PPP1R12B: variants seen among roughly 807,000 people sequenced by gnomAD.
PPP1R12B encodes the protein myosin phosphatase target subunit 2.
Under a neutral mutation model 126.1 loss-of-function variants are expected in PPP1R12B, and 76 were observed. The observed-to-expected ratio is 0.60, with a 90% confidence interval of 0.50 to 0.73. PPP1R12B has a LOEUF of 0.73. Ranked by LOEUF, PPP1R12B falls within the 30% of genes least tolerant of loss-of-function variation. PPP1R12B has a pLI of 0.00. For missense variants in PPP1R12B, 1,052 were observed against 1,205.1 expected (o/e 0.87, Z 1.88); for synonymous variants, 356 against 434.7 (o/e 0.82, Z 2.25).
At chr1:202,421,301 C>CTT (rs764287116) in intron 2 of PPP1R12B, among the ~76,000 whole-genome samples, 4 of 136,766 alleles carry the variant, frequency 2.9e-5, no homozygotes, top group African/African-American at 5.4e-5. Context: ...TTATCTCTCT[C>CTT]TTTTTTTTTT....
At chr1:202,352,802 C>T (rs574540838) in intron 1 of PPP1R12B, among the ~76,000 whole-genome samples, 16 of 152,022 alleles carry the variant, frequency 1.1e-4, no homozygotes, top group Non-Finnish European at 1.8e-4. Flanking sequence ...GCAGGAGAAT[C>T]GCTTGAACCC....
At chr1:202,480,076 A>G (rs1241987175) in intron 13 of PPP1R12B, among the ~76,000 whole-genome samples, 1 of 152,224 alleles carries the variant, frequency 6.6e-6, no homozygotes, top group African/African-American at 2.4e-5. Context: ...CAATAGGAAC[A>G]AGTCCAGATA....
chr1:202,482,538 T>C (rs1677528987), intron 13 of PPP1R12B, among the ~76,000 whole-genome samples: 2 of 152,238 alleles, frequency 1.3e-5, no homozygotes, highest in South Asian at 4.1e-4. Flanking sequence ...ATGACTTCTT[T>C]TGAGAAGTAA....
intron 1 of PPP1R12B, chr1:202,410,201 GAAGT>G (rs1488759860): frequency 6.6e-6 from 1 of 152,232 alleles, no homozygotes; most frequent in Admixed American, 6.5e-5. Context: ...ATGTACTGCT[GAAGT>G]AAGCATTGAT....
intron 18 of PPP1R12B, among the ~76,000 whole-genome samples, chr1:202,519,287 C>T (rs776711839): frequency 2.0e-5 from 3 of 151,634 alleles, no homozygotes; most frequent in African/African-American, 2.4e-5. Flanking sequence ...TCTTTTGAGA[C>T]GGGGTCTCAC....
At chr1:202,526,889 G>A (rs1435052037) in intron 18 of PPP1R12B, among the ~76,000 whole-genome samples, 1 of 152,140 alleles carries the variant, frequency 6.6e-6, no homozygotes, top group Non-Finnish European at 1.5e-5. Flanking sequence ...AATAGTTAGA[G>A]CTGAACAACA....
rs192946341 is a variant in PPP1R12B, at chr1:202,587,678, A to C, written c.*7118A>C. 1 of 152,324 alleles carries C rather than the reference A, an allele frequency of 6.6e-6. No homozygotes were observed. The highest frequency in any genetic ancestry group is 1.9e-4 in the East Asian group (1 of 5,186). 9.4% of individuals were successfully genotyped at this position (152,324 alleles called of 1,614,324 possible). ...TAATGTTCTCCCAAAACCAGAGTTG[A>C]GAGTCGGAGTGCCAGTCGTCGGGGC... On this transcript the variant is annotated 3_prime_UTR_variant, in exon 24 of 24. Coordinates refer to ENST00000608999, the MANE Select transcript of PPP1R12B (RefSeq NM_002481.4).
At chr1:202,429,285 T>C (rs1282305495) in intron 6 of PPP1R12B, among the ~76,000 whole-genome samples, 1 of 152,238 alleles carries the variant, frequency 6.6e-6, no homozygotes, top group African/African-American at 2.4e-5. Flanking sequence ...CTCATAGCTT[T>C]TCTTTTTCTT....
intron 7 of PPP1R12B, 59 bp from the exon 8 acceptor site, chr1:202,431,421 C>T: frequency 7.1e-7 from 1 of 1,408,790 alleles, no homozygotes; most frequent in Non-Finnish European, 9.6e-7. Context: ...AGACTTGTTC[C>T]CTTTATTATA....
intron 21 of PPP1R12B, 52 bp from the exon 22 acceptor site, chr1:202,567,726 A>C (rs371905976): frequency 3.2e-6 from 5 of 1,583,884 alleles, no homozygotes; most frequent in Non-Finnish European, 4.3e-6. Flanking sequence ...TGGGCGTTCT[A>C]CTGGCCCTTA....
At chr1:202,353,515 T>A (rs1351666773) in intron 1 of PPP1R12B, among the ~76,000 whole-genome samples, 1 of 150,768 alleles carries the variant, frequency 6.6e-6, no homozygotes, top group Non-Finnish European at 1.5e-5. Context: ...TCTGTGTGGT[T>A]TTTTTTTTTG....
At chr1:202,552,432 G>A (rs537915498) in intron 18 of PPP1R12B, among the ~76,000 whole-genome samples, 45 of 152,290 alleles carry the variant, frequency 3.0e-4, no homozygotes, top group African/African-American at 1.1e-3. Context: ...TATGAAACCA[G>A]AATGATTCTT....
At chr1:202,462,912 G>A in intron 13 of PPP1R12B, 1 of 985,364 alleles carries the variant, frequency 1.0e-6, no homozygotes, top group Non-Finnish European at 1.2e-6. Flanking sequence ...ATTTGATCTG[G>A]CAATAGAGTT....
At position 202,465,322 on chromosome 1, in the gene PPP1R12B, G is replaced by C. The variant is rs184631137; in HGVS notation, c.1850+16151G>C. ...TTCACTGGATATTTGTATACCATGA[G>C]CTTGGCAATATAAGCACAATGGTTA... On this transcript the variant is annotated intron_variant, in intron 13 of 23. Transcript: ENST00000608999. Among the ~76,000 whole-genome samples the C allele has an allele frequency of 3.2e-3, 485 of 152,264 alleles. 4 individuals carry two copies. The highest frequency in any genetic ancestry group is 0.011 in the African/African-American group (464 of 41,558).
In PPP1R12B at chr1:202,535,805, A is replaced by AT. The variant is rs1256658918; in HGVS notation, c.2491-23071dup. ...AGTTCTTATTTTTACAGGGGAATTA[A>AT]TATCTTTTCAGTCAGAAAGGAACAA... On this transcript the variant is annotated intron_variant, in intron 18 of 23. Coordinates refer to ENST00000608999, the MANE Select transcript of PPP1R12B (RefSeq NM_002481.4). Among the ~76,000 whole-genome samples the AT allele has an allele frequency of 2.0e-5, 3 of 152,210 alleles. No individual in the cohort carries two copies. The East Asian group carries it at 5.8e-4, about 29-fold the overall frequency.
intron 18 of PPP1R12B, among the ~76,000 whole-genome samples, chr1:202,541,909 GGCTTAATAAGAGACT>G (rs1685169517): frequency 6.6e-6 from 1 of 152,164 alleles, no homozygotes; most frequent in Non-Finnish European, 1.5e-5. Flanking sequence ...AAACACAGAT[GGCTTAATAAGAGACT>G]GCTTCCCAAT....
chr1:202,458,136 A>T (rs1673880113), intron 13 of PPP1R12B, among the ~76,000 whole-genome samples: 1 of 149,520 alleles, frequency 6.7e-6, no homozygotes, highest in South Asian at 2.1e-4. Context: ...TTTTTCAAAG[A>T]AACCCAAGAC....
chr1:202,470,046 G>T (rs556003210), intron 13 of PPP1R12B, among the ~76,000 whole-genome samples: 6 of 152,232 alleles, frequency 3.9e-5, no homozygotes, highest in Admixed American at 2.0e-4. Flanking sequence ...TTTCCCCATT[G>T]GAGGCCATCC....
At chr1:202,446,259 T>A (rs1205944504) in intron 12 of PPP1R12B, among the ~76,000 whole-genome samples, 2 of 133,258 alleles carry the variant, frequency 1.5e-5, no homozygotes, top group East Asian at 4.4e-4. Context: ...TATATATATT[T>A]TTTTTTTTTT....
Sources: gnomAD v4.1 joint callset for allele counts (sites outside exome capture counted in the v4.1 genomes callset) on GRCh38, gnomAD v4.1.1 for gene constraint, MANE v1.5 for transcripts, NCBI Gene and HGNC (gene_info 2026-07-23, HGNC 2026-07-21) for gene names.